Variants in ANKRD29 observed in about 807,000 individuals in gnomAD.
ANKRD29 encodes the protein ankyrin repeat domain-containing protein 29.
In ANKRD29, 32 loss-of-function variants were observed where a neutral mutation model predicts 38.0. That is an observed-to-expected ratio of 0.84 (90% confidence interval 0.64 to 1.13). The LOEUF (loss-of-function observed/expected upper bound fraction) is 1.13, where lower values mean the gene tolerates loss of function less well. Among genes scored for constraint, ANKRD29 ranks in the 50% most tolerant of loss-of-function variants. ANKRD29 has a pLI of 0.00. For synonymous variants in ANKRD29, 135 were observed against 152.4 expected (o/e 0.89, Z 0.84); for missense variants, 357 against 377.9 (o/e 0.94, Z 0.46).
At chr18:23,641,389 C>T (rs2060074325) in intron 3 of ANKRD29, among the ~76,000 whole-genome samples, 1 of 152,242 alleles carries the variant, frequency 6.6e-6, no homozygotes, top group South Asian at 2.1e-4. Context: ...CTCCCCACTC[C>T]CGGCACCTGC....
At chr18:23,657,642 T>G (rs1392547863) in intron 1 of ANKRD29, among the ~76,000 whole-genome samples, 1 of 152,216 alleles carries the variant, frequency 6.6e-6, no homozygotes, top group Admixed American at 6.5e-5. Flanking sequence ...TCTCTATGGA[T>G]TTGCCGATTT....
chr18:23,632,531 G>GTATATATATATATATATATA lies in ANKRD29; in HGVS notation c.429+1519_429+1520insTATATATATATATATATATA, dbSNP rs772817461. 8.8e-4 allele frequency among the ~76,000 whole-genome samples: 112 copies of GTATATATATATATATATATA among 126,904 alleles called. 2 individuals carry two copies. The highest frequency in any genetic ancestry group is 3.1e-3 in the African/African-American group (95 of 30,204). 83.3% of individuals were successfully genotyped at this position (126,904 alleles called of 152,430 possible). On this transcript the variant is annotated intron_variant, in intron 5 of 9. Coordinates refer to ENST00000592179, the MANE Select transcript of ANKRD29 (RefSeq NM_173505.4). Reference sequence around the variant, plus strand: ...TCCTATTCAGTGTGTGTGTGTGTGTGTGTATATATATATATATTACACACT... The same window carrying GTATATATATATATATATATA: ...TCCTATTCAGTGTGTGTGTGTGTGTGTATATATATATATATATATATGTATATATATATATATTACACACT...
chr18:23,634,487 A>C (rs1212782352), intron 4 of ANKRD29, among the ~76,000 whole-genome samples: 1 of 151,750 alleles, frequency 6.6e-6, no homozygotes, highest in Non-Finnish European at 1.5e-5. Flanking sequence ...ATGGGGTTTC[A>C]CTATGTTGGT....
chr18:23,662,151 AT>A (rs1176149273), intron 1 of ANKRD29, among the ~76,000 whole-genome samples: 2 of 152,156 alleles, frequency 1.3e-5, no homozygotes, highest in African/African-American at 4.8e-5. Context: ...TTTAACTGCT[AT>A]TTTTATTAAA....
At chr18:23,631,038 C>T (rs2059925223) in intron 5 of ANKRD29, among the ~76,000 whole-genome samples, 1 of 151,504 alleles carries the variant, frequency 6.6e-6, no homozygotes, top group African/African-American at 2.4e-5. Flanking sequence ...TAGATCTTTC[C>T]TACCCTTTTC....
intron 8 of ANKRD29, among the ~76,000 whole-genome samples, chr18:23,617,079 G>T (rs996472491): frequency 1.6e-4 from 25 of 152,058 alleles, no homozygotes; most frequent in Admixed American, 1.2e-3. Context: ...AGCTGGGTGT[G>T]GTGGCAGCGT....
At chr18:23,646,666 C>T (rs190661117) in intron 2 of ANKRD29, 56 of 162,898 alleles carry the variant, frequency 3.4e-4, no homozygotes, top group Non-Finnish European at 5.2e-4. Context: ...ATGGTACCAT[C>T]TGATTTTCCA....
intron 6 of ANKRD29, among the ~76,000 whole-genome samples, chr18:23,622,597 T>C (rs2145667937): frequency 6.6e-6 from 1 of 152,256 alleles, no homozygotes; most frequent in East Asian, 1.9e-4. Context: ...CATGGAGTCT[T>C]GCTCTGTTGC....
chr18:23,618,604 T>A (rs2059753393), intron 7 of ANKRD29: 1 of 152,122 alleles, frequency 6.6e-6, no homozygotes, highest in Non-Finnish European at 1.5e-5. Context: ...TAAAATCTGC[T>A]AAAAAGAATG....
At chr18:23,656,164 G>T (rs2060281186) in intron 1 of ANKRD29, among the ~76,000 whole-genome samples, 1 of 151,352 alleles carries the variant, frequency 6.6e-6, no homozygotes, top group Non-Finnish European at 1.5e-5. Flanking sequence ...ATTAGGAGTT[G>T]CCAGTTGTTA....
chr18:23,659,664 A>T (rs1189684145), intron 1 of ANKRD29, among the ~76,000 whole-genome samples: 1 of 146,502 alleles, frequency 6.8e-6, no homozygotes, highest in East Asian at 2.1e-4. Flanking sequence ...AATTGCTTGA[A>T]CCCGGGAGGC....
intron 6 of ANKRD29, among the ~76,000 whole-genome samples, chr18:23,624,809 T>A (rs1203968489): frequency 4.6e-5 from 7 of 152,152 alleles, no homozygotes; most frequent in Non-Finnish European, 8.8e-5. Flanking sequence ...TAGAGTGAGT[T>A]TTATAGTTTC....
chr18:23,610,712 G>A (rs957531762), intron 9 of ANKRD29, among the ~76,000 whole-genome samples: 7 of 152,120 alleles, frequency 4.6e-5, no homozygotes, highest in Admixed American at 2.0e-4. Flanking sequence ...TCTCTACTCC[G>A]TCGTTCAGGG....
intron 4 of ANKRD29, among the ~76,000 whole-genome samples, chr18:23,636,336 T>G (rs2060002563): frequency 6.6e-6 from 1 of 152,156 alleles, no homozygotes; most frequent in Non-Finnish European, 1.5e-5. Flanking sequence ...GATGGGGTCT[T>G]GCTATGTGGC....
chr18:23,659,430 G>T (rs2060326740), intron 1 of ANKRD29, among the ~76,000 whole-genome samples: 1 of 152,158 alleles, frequency 6.6e-6, no homozygotes, highest in African/African-American at 2.4e-5. Context: ...GAAATTGCTG[G>T]GTCATGTGGT....
intron 9 of ANKRD29, among the ~76,000 whole-genome samples, chr18:23,607,433 A>G (rs1022505716): frequency 6.6e-6 from 1 of 152,150 alleles, no homozygotes; most frequent in African/African-American, 2.4e-5. Flanking sequence ...TGGTAAGCAG[A>G]CTGGCAGGTA....
intron 4 of ANKRD29, 129 bp from the exon 5 acceptor site, chr18:23,634,278 GTTTTTTTTTTTTTT>G (rs71163626): frequency 0.061 from 22,651 of 369,172 alleles, 58 homozygotes; most frequent in Non-Finnish European, 0.073. Flanking sequence ...CACTTTCCCT[GTTTTTTTTTTTTTT>G]TTTTTTTTTT....
At chr18:23,641,617 G>A (rs1160954492) in intron 3 of ANKRD29, among the ~76,000 whole-genome samples, 1 of 152,258 alleles carries the variant, frequency 6.6e-6, no homozygotes, top group African/African-American at 2.4e-5. Context: ...CCCCTTGGCA[G>A]GAACAGCCTG....
chr18:23,628,833 CAAA>C (rs60035025), intron 6 of ANKRD29, among the ~76,000 whole-genome samples: 67,718 of 128,748 alleles, frequency 0.53, 17,744 homozygotes, highest in Non-Finnish European at 0.66. Flanking sequence ...GACGCTGTCT[CAAA>C]AAAAAAAAAA....
Sources: allele counts gnomAD v4.1 joint callset (sites outside exome capture counted in the v4.1 genomes callset), GRCh38; gene constraint gnomAD v4.1.1; transcripts MANE v1.5; gene names NCBI Gene and HGNC (gene_info 2026-07-23, HGNC 2026-07-21).